Variants in PDE8B observed in about 807,000 individuals in gnomAD.
PDE8B encodes the protein phosphodiesterase 8B, also known as high affinity cAMP-specific and IBMX-insensitive 3',5'-cyclic phosphodiesterase 8B.
PDE8B carries 26 observed loss-of-function variants against 101.3 expected under a neutral mutation model. That is an observed-to-expected ratio of 0.26 (90% CI 0.19 to 0.36). PDE8B has a LOEUF of 0.36. Among genes scored for constraint, PDE8B ranks in the 10% least tolerant of loss-of-function variants. The probability of loss-of-function intolerance (pLI) is 1.00; values close to 1 mark genes in which losing one functional copy is unlikely to be tolerated. For missense variants in PDE8B, 810 were observed against 1,163.1 expected, an observed-to-expected ratio of 0.70 and a Z score of 4.42; for synonymous variants, 424 against 429.3, an observed-to-expected ratio of 0.99 and a Z score of 0.15.
the PDE8B span, among the ~76,000 whole-genome samples, chr5:77,128,082 C>A: frequency 6.6e-6 from 1 of 152,294 alleles, no homozygotes; most frequent in Non-Finnish European, 1.5e-5. Context: ...ACTTTCAAAG[C>A]AGTTAACAAA....
chr5:77,131,584 A>G, the PDE8B span, among the ~76,000 whole-genome samples: 1 of 152,358 alleles, frequency 6.6e-6, no homozygotes, highest in Non-Finnish European at 1.5e-5. Flanking sequence ...TAGGAAAGAT[A>G]ATACTTACCC....
At chr5:77,294,848 T>C (rs1768161280) in intron 1 of PDE8B, among the ~76,000 whole-genome samples, 1 of 148,196 alleles carries the variant, frequency 6.7e-6, no homozygotes. Flanking sequence ...GATGATTCAT[T>C]ATATAATATA....
At chr5:77,405,590 T>G (rs1793260151) in intron 12 of PDE8B, among the ~76,000 whole-genome samples, 1 of 151,668 alleles carries the variant, frequency 6.6e-6, no homozygotes, top group South Asian at 2.1e-4. Context: ...GTGCATGTAG[T>G]GAAAGGACAG....
chr5:77,269,040 AC>A (rs1343982800), intron 1 of PDE8B, among the ~76,000 whole-genome samples: 1 of 151,532 alleles, frequency 6.6e-6, no homozygotes, highest in Non-Finnish European at 1.5e-5. Context: ...TTTTTGAGAA[AC>A]CTCCAAACTG....
At chr5:77,134,128 A>G in the PDE8B span, among the ~76,000 whole-genome samples, 1 of 152,240 alleles carries the variant, frequency 6.6e-6, no homozygotes, top group African/African-American at 2.4e-5. Context: ...TCCACTGGTC[A>G]TATCAGATAC....
chr5:77,366,637 G>A (rs1200060203), intron 10 of PDE8B, among the ~76,000 whole-genome samples: 1 of 152,166 alleles, frequency 6.6e-6, no homozygotes, highest in Non-Finnish European at 1.5e-5. Context: ...ACAGCCTCGT[G>A]GGTGTGTGGG....
At chr5:77,152,847 G>C in the PDE8B span, among the ~76,000 whole-genome samples, 1 of 152,178 alleles carries the variant, frequency 6.6e-6, no homozygotes, top group Admixed American at 6.5e-5. Context: ...TTGAGGATGG[G>C]AAGGGGAGTG....
intron 1 of PDE8B, among the ~76,000 whole-genome samples, chr5:77,262,109 A>G (rs1760716037): frequency 2.6e-5 from 4 of 152,192 alleles, no homozygotes; most frequent in Admixed American, 2.6e-4. Flanking sequence ...TAGTAACAGT[A>G]TACTTCATAT....
chr5:77,377,942 A>G (rs1467137514), intron 10 of PDE8B, among the ~76,000 whole-genome samples: 2 of 151,602 alleles, frequency 1.3e-5, no homozygotes, highest in Non-Finnish European at 2.9e-5. Flanking sequence ...CTCCTCAGCC[A>G]CCATAATCAT....
At chr5:77,306,564 A>G (rs1379071347) in intron 1 of PDE8B, among the ~76,000 whole-genome samples, 1 of 152,172 alleles carries the variant, frequency 6.6e-6, no homozygotes, top group Non-Finnish European at 1.5e-5. Context: ...CCCTTGAAGG[A>G]TGCGTTAGCT....
chr5:77,094,864 T>C, the PDE8B span, among the ~76,000 whole-genome samples: 1,956 of 152,260 alleles, frequency 0.013, 40 homozygotes, highest in African/African-American at 0.045. Flanking sequence ...TGAGAACTCA[T>C]ACCCCCCAGG....
intron 2 of PDE8B, among the ~76,000 whole-genome samples, chr5:77,323,818 G>C (rs1775532271): frequency 6.6e-6 from 1 of 152,158 alleles, no homozygotes; most frequent in Non-Finnish European, 1.5e-5. Context: ...AATTAGCCAG[G>C]CATGGTGGCG....
At chr5:77,161,215 G>T in the PDE8B span, among the ~76,000 whole-genome samples, 1 of 152,164 alleles carries the variant, frequency 6.6e-6, no homozygotes, top group African/African-American at 2.4e-5. Context: ...GTTCTCTTGT[G>T]CCATTTTATA....
chr5:77,132,670 A>C, the PDE8B span, among the ~76,000 whole-genome samples: 3 of 152,176 alleles, frequency 2.0e-5, no homozygotes, highest in African/African-American at 7.2e-5. Flanking sequence ...CTTCTGTGCA[A>C]CAATATGGAA....
At chr5:77,254,818 T>C (rs747833834) in intron 1 of PDE8B, among the ~76,000 whole-genome samples, 6 of 152,230 alleles carry the variant, frequency 3.9e-5, no homozygotes, top group Non-Finnish European at 8.8e-5. Flanking sequence ...GATGCTTCTG[T>C]ATAGGTAGAG....
At chr5:77,147,081 G>A in the PDE8B span, 3 of 386,926 alleles carry the variant, frequency 7.8e-6, no homozygotes, top group Non-Finnish European at 1.0e-5. Flanking sequence ...GCCTGATGCA[G>A]CAAAAAAGGG....
At chr5:77,233,412 C>A (rs540715345) in intron 1 of PDE8B, among the ~76,000 whole-genome samples, 1 of 152,128 alleles carries the variant, frequency 6.6e-6, no homozygotes, top group South Asian at 2.1e-4. Context: ...GGTTAAAGGG[C>A]CCTCAAGGAG....
chr5:77,316,462 G>A (rs895422161), intron 2 of PDE8B, among the ~76,000 whole-genome samples: 1 of 152,126 alleles, frequency 6.6e-6, no homozygotes, highest in Non-Finnish European at 1.5e-5. Flanking sequence ...TCGAACTTCT[G>A]ACCTCGTGAT....
the PDE8B span, chr5:77,092,374 C>G: frequency 6.6e-6 from 1 of 151,988 alleles, no homozygotes; most frequent in Non-Finnish European, 1.5e-5. Context: ...GCCCTACATC[C>G]TTTGTTCAAG....
Sources: allele counts gnomAD v4.1 joint callset (sites outside exome capture counted in the v4.1 genomes callset), GRCh38; gene constraint gnomAD v4.1.1; transcripts MANE v1.5; gene names NCBI Gene and HGNC (gene_info 2026-07-23, HGNC 2026-07-21).